The following ADGRG2 variants were observed in gnomAD, a reference collection of about 807,000 sequenced individuals.
ADGRG2 encodes the protein adhesion G protein-coupled receptor G2.
ADGRG2 carries 26 observed loss-of-function variants against 74.1 expected under a neutral mutation model. That is an observed-to-expected ratio of 0.35 (90% CI 0.26 to 0.49). The LOEUF is 0.49. Ranked by LOEUF, ADGRG2 falls within the 20% of genes least tolerant of loss-of-function variation. The pLI is 0.99. For synonymous variants in ADGRG2, 296 were observed against 295.2 expected, an observed-to-expected ratio of 1.00 and a Z score of -0.03; for missense variants, 619 against 763.1, an observed-to-expected ratio of 0.81 and a Z score of 2.22.
intron 3 of ADGRG2, among the ~76,000 whole-genome samples, chrX:19,053,650 A>G (rs1222783491): frequency 2.7e-5 from 3 of 112,501 alleles, no homozygotes; most frequent in Non-Finnish European, 5.6e-5. Flanking sequence ...CTTCATAGGT[A>G]CTACTGTTAA....
chrX:19,007,287 C>T lies in ADGRG2; in HGVS notation c.1637G>A (p.Arg546Lys). 1.7e-6 allele frequency: 2 copies of T among 1,209,521 alleles called. No homozygotes were observed. Among genetic ancestry groups the T allele is most frequent in the Non-Finnish European group, 2.2e-6 (2 of 893,472 alleles). The part of the protein sequence containing the change: ...ISSSVANLTV[R>K]NLTRNVTVTL... ...GACTGTCACGTTTCTTGTCAAGTTCCTGACGGTCAGGTTTGCAACACTCGA... is the reference window on the plus strand; with the variant it reads ...GACTGTCACGTTTCTTGTCAAGTTCTTGACGGTCAGGTTTGCAACACTCGA... Residue 546 changes from arginine to lysine, a missense_variant, in exon 20 of 29, where the codon AGG becomes AAG. By Grantham distance (26) the Arg-to-Lys change is conservative. Around this residue, in one of 3 missense-constraint regions of ADGRG2, gnomAD observed 221 missense variants for 340.6 expected, o/e 0.65. Transcript: ENST00000379869.
At chrX:19,040,262 G>A in intron 3 of ADGRG2, 38 bp from the exon 4 acceptor site, 1 of 957,440 alleles carries the variant, frequency 1.0e-6, no homozygotes, top group Middle Eastern at 2.8e-4. Context: ...TTAGTTTCAT[G>A]AGGACTAAAA....
rs770433458 is a variant in ADGRG2 at position 19,068,757 on chromosome X, G to T, written c.78C>A (p.Val26=). 2 of 1,148,941 alleles carry T rather than the reference G, an allele frequency of 1.7e-6. No homozygotes were observed. The highest frequency in any genetic ancestry group is 1.2e-6 in the Non-Finnish European group (1 of 843,255). The allele number at this position is 1,148,941 out of a possible 1,213,427, so 94.7% of individuals were successfully genotyped here. The part of the protein sequence containing the change: ...EVLLTFKIFL[V]IICLHVVLVT... The stretch of plus-strand genomic sequence containing the variant: ...CCAGAACGACATGAAGACAAATGAT[G>T]ACAAGGAATATCTTGAACGTCAGTA... Residue 26 remains valine, a synonymous_variant, in exon 3 of 29, where the codon GTC becomes GTA. Transcript: ENST00000379869.
chrX:19,041,885 T>C (rs1361276818), intron 3 of ADGRG2, among the ~76,000 whole-genome samples: 2 of 111,904 alleles, frequency 1.8e-5, no homozygotes, highest in East Asian at 5.6e-4. Flanking sequence ...TGTGGCTCAC[T>C]GCAGCCTCAG....
rs1348591122 is a variant in ADGRG2, at chrX:19,037,654, A to G, written c.155-18T>C. On this transcript the variant is annotated intron_variant, in intron 4 of 28. Coordinates refer to ENST00000379869, the MANE Select transcript of ADGRG2 (RefSeq NM_001079858.3). Reference sequence around the variant, plus strand: ...TAATTTAGCTGCAGGAGAAAAAAAAATTAAATCAATATTTTGAAACGATTA... The same window carrying G: ...TAATTTAGCTGCAGGAGAAAAAAAAGTTAAATCAATATTTTGAAACGATTA... 1 of 1,055,777 alleles carries G rather than the reference A, an allele frequency of 9.5e-7. No individual in the cohort carries two copies. 87.0% of individuals were successfully genotyped at this position (1,055,777 alleles called of 1,213,427 possible). A position where few individuals can be genotyped will look rare whatever the true frequency, so the allele number is the denominator to read the frequency against.
chrX:19,105,966 G>A (rs1438060449), intron 1 of ADGRG2, among the ~76,000 whole-genome samples: 3 of 104,561 alleles, frequency 2.9e-5, no homozygotes, highest in Non-Finnish European at 5.8e-5. Context: ...AGAAGAAGAA[G>A]GTAACTCTTT....
At chrX:18,994,094 T>C (rs1484330603) in intron 28 of ADGRG2, among the ~76,000 whole-genome samples, 1 of 112,527 alleles carries the variant, frequency 8.9e-6, no homozygotes, top group Non-Finnish European at 1.9e-5. Context: ...TCACAAGTCA[T>C]CTTCCAGTAT....
At chrX:19,036,616 A>AACAC (rs534574581) in intron 6 of ADGRG2, among the ~76,000 whole-genome samples, 5,957 of 94,540 alleles carry the variant, frequency 0.063, 248 homozygotes, top group African/African-American at 0.14. Flanking sequence ...TCATACTTAA[A>AACAC]ACACACACAC....
chrX:18,989,482 T>C lies in ADGRG2; in HGVS notation c.*1382A>G, dbSNP rs1389994773. The C allele has an allele frequency of 8.9e-6, 1 of 112,281 alleles. No individual in the cohort carries two copies. The highest frequency in any genetic ancestry group is 3.2e-5 in the African/African-American group (1 of 30,898). 9.3% of individuals were successfully genotyped at this position (112,281 alleles called of 1,213,427 possible). Reference sequence around the variant, plus strand: ...AGATCCAACATTCACTTGAAATATATGCAAGAGAACCTTAGTGAAAGACTT... The same window carrying C: ...AGATCCAACATTCACTTGAAATATACGCAAGAGAACCTTAGTGAAAGACTT... On this transcript the variant is annotated 3_prime_UTR_variant, in exon 29 of 29. Coordinates refer to ENST00000379869, the MANE Select transcript of ADGRG2 (RefSeq NM_001079858.3).
intron 3 of ADGRG2, among the ~76,000 whole-genome samples, chrX:19,052,071 T>C: frequency 8.9e-6 from 1 of 112,091 alleles, no homozygotes; most frequent in East Asian, 2.8e-4. Flanking sequence ...ATCTGGGGCA[T>C]GATTGCTAAT....
chrX:19,060,188 A>G (rs1476657337), intron 3 of ADGRG2, among the ~76,000 whole-genome samples: 3 of 112,418 alleles, frequency 2.7e-5, no homozygotes, highest in Non-Finnish European at 5.6e-5. Flanking sequence ...GGATTCTTCA[A>G]TGAAGAGCAA....
At chrX:19,016,121 G>C (rs1386874138) in intron 15 of ADGRG2, among the ~76,000 whole-genome samples, 1 of 112,297 alleles carries the variant, frequency 8.9e-6, no homozygotes, top group Non-Finnish European at 1.9e-5. Context: ...GGAACCTCTG[G>C]CGGTGGGCGC....
At chrX:19,032,845 C>T (rs1355337730) in intron 8 of ADGRG2, 1 of 111,945 alleles carries the variant, frequency 8.9e-6, no homozygotes, top group Admixed American at 9.5e-5. Context: ...GTTTGCCAAC[C>T]GCTACTTGAA....
intron 1 of ADGRG2, among the ~76,000 whole-genome samples, chrX:19,122,189 C>T (rs1217940206): frequency 1.8e-5 from 2 of 112,844 alleles, no homozygotes; most frequent in African/African-American, 6.4e-5. Context: ...CCTCCTTTCC[C>T]ACGGCGCGCG....
At chrX:19,081,629 T>C (rs1437983722) in intron 2 of ADGRG2, among the ~76,000 whole-genome samples, 1 of 112,395 alleles carries the variant, frequency 8.9e-6, no homozygotes, top group African/African-American at 3.2e-5. Flanking sequence ...AATAACTTAC[T>C]AGTATCTATT....
intron 1 of ADGRG2, among the ~76,000 whole-genome samples, chrX:19,107,785 T>C (rs764743255): frequency 1.7e-4 from 19 of 109,649 alleles, no homozygotes; most frequent in Non-Finnish European, 3.0e-4. Flanking sequence ...AAAATCAGCA[T>C]AGAAACCAAT....
chrX:19,047,870 A>G (rs1219894235), intron 3 of ADGRG2, among the ~76,000 whole-genome samples: 1 of 111,726 alleles, frequency 9.0e-6, no homozygotes, highest in African/African-American at 3.3e-5. Context: ...AATTTGGCAT[A>G]TCCAAAACAT....
At position 19,008,042 on chromosome X, in the gene ADGRG2, G is replaced by A. The variant is rs757831265; in HGVS notation, c.1504C>T (p.His502Tyr). 1.7e-6 allele frequency: 2 copies of A among 1,199,092 alleles called. No individual in the cohort carries two copies. Among genetic ancestry groups the A allele is most frequent in the Admixed American group, 4.4e-5 (2 of 45,885 alleles). ...ACCCTGGAAGCTAGCTCCATGTCAT[G>A]AGCTGGTAAATTATTCATCAGCGAT... ...PSSLMNNLPA[H>Y]DMELASRVQF... is the part of the protein sequence containing the mutation. Residue 502 changes from histidine to tyrosine, a missense_variant, in exon 19 of 29, where the codon CAT becomes TAT. Physicochemically the swap from His to Tyr is moderately conservative, Grantham distance 83. This residue lies in a region of ADGRG2 where 221 missense variants were observed against 340.6 expected (regional missense o/e 0.65). Transcript: ENST00000379869.
chrX:19,005,135 T>A (rs770238160), intron 22 of ADGRG2, among the ~76,000 whole-genome samples: 1 of 112,091 alleles, frequency 8.9e-6, no homozygotes, highest in African/African-American at 3.2e-5. Flanking sequence ...AAAGCCCACA[T>A]ACTTGATCAC....
Sources: gnomAD v4.1 joint callset for allele counts (sites outside exome capture counted in the v4.1 genomes callset) on GRCh38, gnomAD v4.1.1 for gene constraint, gnomAD v4.1.1 regional missense constraint, MANE v1.5 for transcripts, NCBI Gene and HGNC (gene_info 2026-07-23, HGNC 2026-07-21) for gene names.